Variants in FBN3 observed in about 807,000 individuals in gnomAD.
FBN3 encodes the protein fibrillin-3.
FBN3 carries 234 observed loss-of-function variants against 330.1 expected under a neutral mutation model. The observed-to-expected ratio is 0.71, with a 90% CI of 0.64 to 0.79. The LOEUF (loss-of-function observed/expected upper bound fraction) is 0.79, where lower values mean the gene tolerates loss of function less well. FBN3 is among the 30% of genes least tolerant of loss of function. The pLI is 0.00. For missense variants in FBN3, 3,606 were observed against 3,886.9 expected (o/e 0.93, Z 1.92); for synonymous variants, 1,458 against 1,517.3 (o/e 0.96, Z 0.91).
chr19:8,135,656 C>T (rs1170602460), intron 13 of FBN3, among the ~76,000 whole-genome samples: 1 of 151,926 alleles, frequency 6.6e-6, no homozygotes, highest in Non-Finnish European at 1.5e-5. Context: ...CTTTTCAGCT[C>T]AAGAGATTCT....
At chr19:8,083,472 A>G (rs1202776625) in intron 56 of FBN3, 100 bp from the exon 57 acceptor site, 1 of 1,437,288 alleles carries the variant, frequency 7.0e-7, no homozygotes, top group Non-Finnish European at 9.6e-7. Context: ...CCTCGGAGGA[A>G]AGTCCAGCCT....
intron 37 of FBN3, among the ~76,000 whole-genome samples, chr19:8,107,617 T>C (rs1423527467): frequency 4.2e-5 from 6 of 142,334 alleles, no homozygotes; most frequent in Non-Finnish European, 4.6e-5. Context: ...GGGGGATAGA[T>C]GAAGGATGGG....
Position 8,138,163 on chromosome 19 carries a change from C to T in FBN3, c.1179G>A (p.Leu393=), listed in dbSNP as rs941633894. The change falls in exon 10 of 64, where the codon CTG becomes CTA. Residue 393 remains leucine, a synonymous_variant. Transcript: ENST00000600128. ...CACCAATATTAGAGTTGCCAGGGCC[C>T]AGGCTGGGGATCCCACGCGCATCAG... The part of the protein sequence containing the change: ...HGSDARGIPS[L]GPGNSNIGTA... The T allele has an allele frequency of 6.2e-7, 1 of 1,611,958 alleles. No individual in the cohort carries two copies.
rs752495592 is a variant in FBN3, at chr19:8,121,429, G to A, written c.3083-43C>T. ...AGAGGCCGGAGGCGCCATGTGGGCC[G>A]CATCATGGGGCACGAGGCAGGGGGG... On this transcript the variant is annotated intron_variant, in intron 24 of 63. Transcript: ENST00000600128. The surrounding 1 kb of genome is among the most constrained non-coding windows in gnomAD (Gnocchi z 4.5). 5.9e-6 allele frequency: 9 copies of A among 1,529,338 alleles called. No homozygotes were observed. Among genetic ancestry groups the A allele is most frequent in the Non-Finnish European group, 7.1e-6 (8 of 1,133,788 alleles). 94.7% of individuals were successfully genotyped at this position (1,529,338 alleles called of 1,614,324 possible).
intron 39 of FBN3, among the ~76,000 whole-genome samples, chr19:8,103,078 C>T (rs1265051245): frequency 6.6e-6 from 1 of 151,884 alleles, no homozygotes; most frequent in Non-Finnish European, 1.5e-5. Context: ...ACCAGCCTGG[C>T]CAACATGGTG....
At position 8,133,021 on chromosome 19, in the gene FBN3, G is replaced by T. The variant is rs148754255; in HGVS notation, c.1677C>A (p.Pro559=). The change falls in exon 14 of 64, where the codon CCC becomes CCA. Residue 559 remains proline (P), a synonymous_variant. Transcript: ENST00000600128. ...GGCCGCCAGGCGCCAGCAGGAAGCC[G>T]GGTTTGCAGAGGCAGGAGAAGCTGC... ...EDGSFSCLCK[P]GFLLAPGGHY... is the part of the protein sequence containing the mutation. 2.5e-6 allele frequency: 4 copies of T among 1,583,216 alleles called. No individual in the cohort carries two copies. The African/African-American group carries it at 5.4e-5, about 21-fold the overall frequency.
chr19:8,113,841 CAAAAAAA>C (rs34470005), intron 30 of FBN3, among the ~76,000 whole-genome samples: 1 of 117,874 alleles, frequency 8.5e-6, no homozygotes, highest in African/African-American at 3.2e-5. Flanking sequence ...ACTATCTCTA[CAAAAAAA>C]AAAAAAAAAA....
Position 8,075,373 on chromosome 19 carries a change from C to T in FBN3, c.7492G>A (p.Ala2498Thr), listed in dbSNP as rs771469177. 3.2e-5 allele frequency: 52 copies of T among 1,614,064 alleles called. No individual in the cohort carries two copies. The Middle Eastern group carries it at 4.9e-4, about 15-fold the overall frequency. ...GGGGTGTTGTGGCAGTGCCCGTGGG[C>T]ACCACATGGGCCAGGCTGGGCTGAG... ...ECSAQPGPCGAHGHCHNTPGS... is the reference protein window; with the variant it reads ...ECSAQPGPCGTHGHCHNTPGS... The change falls in exon 60 of 64, where the codon GCC becomes ACC. Residue 2498 changes from alanine to threonine, a missense_variant. By Grantham distance (58) the Ala-to-Thr change is moderately conservative. Transcript: ENST00000600128.
At chr19:8,100,407 G>A (rs1198353064) in intron 41 of FBN3, among the ~76,000 whole-genome samples, 3 of 151,766 alleles carry the variant, frequency 2.0e-5, no homozygotes, top group South Asian at 2.1e-4. Flanking sequence ...GCGAGATATC[G>A]GCTCACTGCA....
In FBN3 at chr19:8,072,091, G is replaced by GA; in HGVS notation, c.8044dup (p.Ser2682PhefsTer22). Reference sequence around the variant, plus strand: ...ACTGCGTCGTGGCCGGTCCCGAGGGGAGAGGCCATTGATCTTGCATTCGTA... The same window carrying GA: ...ACTGCGTCGTGGCCGGTCCCGAGGGGAAGAGGCCATTGATCTTGCATTCGTA... On this transcript the variant is annotated frameshift_variant, in exon 63 of 64. Coordinates refer to ENST00000600128, the MANE Select transcript of FBN3 (RefSeq NM_032447.5). LOFTEE classifies it low-confidence loss of function (END_TRUNC). 2 of 1,612,756 alleles carry GA rather than the reference G, an allele frequency of 1.2e-6. No homozygotes were observed. The highest frequency in any genetic ancestry group is 1.7e-6 in the Non-Finnish European group (2 of 1,179,736).
At chr19:8,072,965 CCGT>C (rs2081551355) in intron 62 of FBN3, 95 bp downstream of exon 62, 1 of 628,328 alleles carries the variant, frequency 1.6e-6, no homozygotes. Context: ...GCACAAAGCC[CCGT>C]GTGTGTGTGT....
chr19:8,140,289 C>G (rs1476793319), intron 8 of FBN3, among the ~76,000 whole-genome samples: 1 of 152,036 alleles, frequency 6.6e-6, no homozygotes, highest in Non-Finnish European at 1.5e-5. Context: ...CACAGTGAAA[C>G]CCCGTCTCTA....
rs555637764 is a variant in FBN3, at chr19:8,132,881, A to T, written c.1714+103T>A. 15 of 1,276,948 alleles carry T rather than the reference A, an allele frequency of 1.2e-5. No homozygotes were observed. In the African/African-American group the frequency reaches 1.8e-4, roughly 16 times the overall value. The allele number at this position is 1,276,948 out of a possible 1,614,324, so 79.1% of individuals were successfully genotyped here. On this transcript the variant is annotated intron_variant, in intron 14 of 63. Coordinates refer to ENST00000600128, the MANE Select transcript of FBN3 (RefSeq NM_032447.5). ...CTGCCCCTTCTCTTCTCCTTCTCTC[A>T]TGCTCGTCCCATCCCCGTCCGGTCC...
intron 5 of FBN3, 142 bp downstream of exon 5, chr19:8,145,698 AAAG>A: frequency 1.2e-5 from 7 of 567,340 alleles, no homozygotes; most frequent in South Asian, 7.2e-5. Context: ...AAAAAAAAAA[AAAG>A]AGACTGTGGC....
Position 8,145,680 on chromosome 19 carries a change from C to CAAAA in FBN3, c.445+159_445+162dup, listed in dbSNP as rs56250248. On this transcript the variant is annotated intron_variant, in intron 5 of 63. Coordinates refer to ENST00000600128, the MANE Select transcript of FBN3 (RefSeq NM_032447.5). ...TGAGTGACACAGCGAGACTCTGTCT[C>CAAAA]AAAAAAAAAAAAAAAAAAAAGAGAC... Among the ~76,000 whole-genome samples, 103 of 108,552 alleles carry CAAAA rather than the reference C, an allele frequency of 9.5e-4. 2 individuals carry two copies. Among genetic ancestry groups the CAAAA allele is most frequent in the Middle Eastern group, 4.6e-3 (1 of 216 alleles). 71.2% of individuals were successfully genotyped at this position (108,552 alleles called of 152,430 possible).
chr19:8,133,535 C>A (rs2083202194), intron 13 of FBN3, among the ~76,000 whole-genome samples: 1 of 152,128 alleles, frequency 6.6e-6, no homozygotes, highest in South Asian at 2.1e-4. Flanking sequence ...CCTGCAACCT[C>A]CGCCTCGCGG....
At chr19:8,132,744 G>A (rs1428408764) in intron 14 of FBN3, among the ~76,000 whole-genome samples, 8 of 152,020 alleles carry the variant, frequency 5.3e-5, no homozygotes, top group African/African-American at 1.2e-4. Flanking sequence ...CATCTGCCTC[G>A]GCCTCCCAAG....
chr19:8,139,580 A>G (rs754911181), intron 8 of FBN3, among the ~76,000 whole-genome samples: 1 of 151,798 alleles, frequency 6.6e-6, no homozygotes, highest in Non-Finnish European at 1.5e-5. Flanking sequence ...GGCTTCAGGC[A>G]TTATGCAGAA....
intron 22 of FBN3, among the ~76,000 whole-genome samples, 161 bp downstream of exon 22, chr19:8,125,731 C>T (rs1170560861): frequency 1.4e-5 from 2 of 147,182 alleles, no homozygotes; most frequent in East Asian, 4.2e-4. Context: ...GCGGAAGTTA[C>T]AGTGAGCCGA....
Sources: allele counts gnomAD v4.1 joint callset (sites outside exome capture counted in the v4.1 genomes callset), GRCh38; gene constraint gnomAD v4.1.1; non-coding constraint Gnocchi (gnomAD v3.1); transcripts MANE v1.5; gene names NCBI Gene and HGNC (gene_info 2026-07-23, HGNC 2026-07-21).